TAFA5: variants seen among roughly 807,000 people sequenced by gnomAD.
TAFA5 encodes the protein chemokine-like protein TAFA-5.
TAFA5 carries 6 observed loss-of-function variants against 15.3 expected under a neutral mutation model. The observed-to-expected ratio is 0.39, with a 90% CI of 0.21 to 0.77. The LOEUF is 0.77. TAFA5 is among the 30% of genes least tolerant of loss of function. The pLI, the probability that TAFA5 is intolerant of heterozygous loss-of-function variation, is 0.41. For synonymous variants in TAFA5, 103 were observed against 80.7 expected (o/e 1.28, Z -1.48); for missense variants, 161 against 193.1 (o/e 0.83, Z 0.98).
At chr22:48,610,338 A>T (rs558009401) in intron 1 of TAFA5, among the ~76,000 whole-genome samples, 1 of 152,240 alleles carries the variant, frequency 6.6e-6, no homozygotes, top group Non-Finnish European at 1.5e-5. Context: ...CTGGGTGTCC[A>T]GCCTCACCTG....
intron 1 of TAFA5, among the ~76,000 whole-genome samples, chr22:48,562,245 C>T (rs1923257418): frequency 6.6e-6 from 1 of 152,152 alleles, no homozygotes; most frequent in Non-Finnish European, 1.5e-5. Context: ...TCACGCCATT[C>T]TCCTGCCTCA....
chr22:48,521,423 G>A (rs1444563475), intron 1 of TAFA5, among the ~76,000 whole-genome samples: 3 of 151,670 alleles, frequency 2.0e-5, no homozygotes, highest in Non-Finnish European at 2.9e-5. Flanking sequence ...GCTCGCCTTT[G>A]CTTCCACCTC....
Position 48,590,997 on chromosome 22 carries a change from G to A in TAFA5, c.113-55600G>A, listed in dbSNP as rs193217873. ...CTCCTGAGTAGCTGGGATTACAGGC[G>A]CCCATCACCACGCCCAGCTAATTTT... On this transcript the variant is annotated intron_variant, in intron 1 of 3. Coordinates refer to ENST00000402357, the MANE Select transcript of TAFA5 (RefSeq NM_001082967.3). Among the ~76,000 whole-genome samples the A allele has an allele frequency of 1.3e-3, 200 of 152,126 alleles. 1 individual carries two copies. The East Asian group carries it at 0.014, about 11-fold the overall frequency.
chr22:48,640,279 G>T (rs763674130), intron 1 of TAFA5, among the ~76,000 whole-genome samples: 1 of 152,246 alleles, frequency 6.6e-6, no homozygotes, highest in East Asian at 1.9e-4. Context: ...AGGGTCCCAC[G>T]CTGCGTGGGA....
chr22:48,639,600 C>T (rs1425237711), intron 1 of TAFA5, among the ~76,000 whole-genome samples: 1 of 152,174 alleles, frequency 6.6e-6, no homozygotes, highest in Non-Finnish European at 1.5e-5. Context: ...TTTGTCACAC[C>T]TCCTGGAGCC....
At chr22:48,574,912 G>A (rs189074267) in intron 1 of TAFA5, among the ~76,000 whole-genome samples, 8 of 152,336 alleles carry the variant, frequency 5.3e-5, no homozygotes, top group Admixed American at 4.6e-4. Flanking sequence ...GGAGGCATCC[G>A]TTTGTTTCCT....
At chr22:48,514,504 T>G (rs1026445794) in intron 1 of TAFA5, among the ~76,000 whole-genome samples, 1 of 152,202 alleles carries the variant, frequency 6.6e-6, no homozygotes, top group African/African-American at 2.4e-5. Context: ...TGGCCGCGGC[T>G]CCTGGCCCTC....
intron 1 of TAFA5, among the ~76,000 whole-genome samples, chr22:48,518,138 C>G (rs1921479466): frequency 6.6e-6 from 1 of 152,192 alleles, no homozygotes; most frequent in Admixed American, 6.5e-5. Context: ...ATTGTCAGGC[C>G]ACCCGGTAGG....
intron 1 of TAFA5, among the ~76,000 whole-genome samples, chr22:48,574,351 G>A (rs1401778440): frequency 6.6e-6 from 1 of 152,150 alleles, no homozygotes; most frequent in Admixed American, 6.5e-5. Context: ...CTCTCCCCTG[G>A]CCGGCTGCTG....
intron 1 of TAFA5, among the ~76,000 whole-genome samples, chr22:48,531,031 G>A (rs1272950823): frequency 6.6e-6 from 1 of 152,096 alleles, no homozygotes; most frequent in East Asian, 1.9e-4. Flanking sequence ...GCAAGAGCTG[G>A]TCATGGGTGT....
rs537015505 is a variant in TAFA5, at chr22:48,530,529, G to T, written c.112+40825G>T. On this transcript the variant is annotated intron_variant, in intron 1 of 3. Coordinates refer to ENST00000402357, the MANE Select transcript of TAFA5 (RefSeq NM_001082967.3). This position sits in a 1 kb window ranked among gnomAD's most constrained non-coding sequence, Gnocchi z 6.0. Reference sequence around the variant, plus strand: ...CAGGTTTACAGAGAGAGAAGCTGAGGCCCAGAGTGGAAAGCAGGTGGACAG... The same window carrying T: ...CAGGTTTACAGAGAGAGAAGCTGAGTCCCAGAGTGGAAAGCAGGTGGACAG... Among the ~76,000 whole-genome samples the T allele has an allele frequency of 6.6e-6, 1 of 152,286 alleles. No individual in the cohort carries two copies. Among genetic ancestry groups the T allele is most frequent in the African/African-American group, 2.4e-5 (1 of 41,562 alleles).
rs541700167 is a variant in TAFA5, at chr22:48,595,765, G to C, written c.113-50832G>C. On this transcript the variant is annotated intron_variant, in intron 1 of 3. Coordinates refer to ENST00000402357, the MANE Select transcript of TAFA5 (RefSeq NM_001082967.3). The stretch of plus-strand genomic sequence containing the variant: ...TCTACACAGGGCCACGCTCACATCA[G>C]CGTGCTCTAATCCTTTAAGAACTGA... Among the ~76,000 whole-genome samples the C allele has an allele frequency of 2.0e-5, 3 of 152,392 alleles. No individual in the cohort carries two copies. In the East Asian group the frequency reaches 5.8e-4, roughly 29 times the overall value.
In TAFA5 at chr22:48,598,195, A is replaced by G. The variant is rs1011776111; in HGVS notation, c.113-48402A>G. ...GCTTGAGGAAGGTCCATCTTTGTCC[A>G]TTGAGGCCTTCACCTGCTTGGATAG... On this transcript the variant is annotated intron_variant, in intron 1 of 3. Coordinates refer to ENST00000402357, the MANE Select transcript of TAFA5 (RefSeq NM_001082967.3). This position sits in a 1 kb window ranked among gnomAD's most constrained non-coding sequence, Gnocchi z 4.0. Among the ~76,000 whole-genome samples, 16 of 152,136 alleles carry G rather than the reference A, an allele frequency of 1.1e-4. No individual in the cohort carries two copies. Among genetic ancestry groups the G allele is most frequent in the Middle Eastern group, 3.2e-3 (1 of 316 alleles).
chr22:48,525,921 A>G (rs6520007), intron 1 of TAFA5, among the ~76,000 whole-genome samples: 143,848 of 152,304 alleles, frequency 0.94, 68,040 homozygotes, highest in Middle Eastern at 0.99. Flanking sequence ...GGTGTCCTGA[A>G]GTCTCCACTC....
intron 1 of TAFA5, among the ~76,000 whole-genome samples, chr22:48,494,151 C>A (rs1928246423): frequency 6.6e-6 from 1 of 152,204 alleles, no homozygotes; most frequent in African/African-American, 2.4e-5. Flanking sequence ...ATATGTAGAT[C>A]AACTTTTGTG....
intron 3 of TAFA5, among the ~76,000 whole-genome samples, chr22:48,735,027 G>A (rs757747061): frequency 1.1e-4 from 16 of 152,250 alleles, no homozygotes; most frequent in Non-Finnish European, 2.2e-4. Context: ...AGAAATCCAT[G>A]ATGACAGCAA....
At chr22:48,531,083 C>T (rs1304806244) in intron 1 of TAFA5, among the ~76,000 whole-genome samples, 1 of 152,008 alleles carries the variant, frequency 6.6e-6, no homozygotes, top group Non-Finnish European at 1.5e-5. Flanking sequence ...GCTGGGGTAG[C>T]CAGGAGCCAC....
intron 1 of TAFA5, chr22:48,576,582 C>T (rs1410223554): frequency 6.9e-7 from 1 of 1,451,518 alleles, no homozygotes; most frequent in South Asian, 1.4e-5. Context: ...GTAATTGTCC[C>T]CGGGCGCGCG....
intron 3 of TAFA5, among the ~76,000 whole-genome samples, chr22:48,745,839 T>C (rs550808330): frequency 6.6e-6 from 1 of 152,220 alleles, no homozygotes; most frequent in African/African-American, 2.4e-5. Context: ...GTCAGGCACC[T>C]CTCCTGGCAG....
Sources: gnomAD v4.1 joint callset for allele counts (sites outside exome capture counted in the v4.1 genomes callset) on GRCh38, gnomAD v4.1.1 for gene constraint, Gnocchi (gnomAD v3.1) non-coding constraint, MANE v1.5 for transcripts, NCBI Gene and HGNC (gene_info 2026-07-23, HGNC 2026-07-21) for gene names.